Variants in KIF13A observed in about 807,000 individuals in gnomAD.
KIF13A encodes kinesin-like protein KIF13A.
A neutral mutation model predicts 212.2 loss-of-function variants in KIF13A; 79 were observed. The observed-to-expected ratio is 0.37, with a 90% CI of 0.31 to 0.45. The LOEUF (loss-of-function observed/expected upper bound fraction) is 0.45. Among genes scored for constraint, KIF13A ranks in the 20% least tolerant of loss-of-function variants. The pLI, the probability that KIF13A is intolerant of heterozygous loss-of-function variation, is 1.00. For missense variants in KIF13A, 1,901 were observed against 2,209.0 expected (o/e 0.86, Z 2.79); for synonymous variants, 789 against 808.6 (o/e 0.98, Z 0.41).
At chr6:17,801,544 T>C (rs1192868125) in intron 20 of KIF13A, among the ~76,000 whole-genome samples, 1 of 152,040 alleles carries the variant, frequency 6.6e-6, no homozygotes, top group Non-Finnish European at 1.5e-5. Flanking sequence ...GCAACAAAAC[T>C]CACTAATAAC....
intron 16 of KIF13A, among the ~76,000 whole-genome samples, chr6:17,823,669 C>T (rs558778805): frequency 2.4e-4 from 36 of 150,996 alleles, no homozygotes; most frequent in African/African-American, 6.3e-4. Flanking sequence ...GGTTTCACCA[C>T]GTTAGCCAGG....
At chr6:17,966,055 G>A (rs745962621) in intron 2 of KIF13A, among the ~76,000 whole-genome samples, 1 of 152,162 alleles carries the variant, frequency 6.6e-6, no homozygotes, top group East Asian at 1.9e-4. Context: ...TTAGCTGGAT[G>A]TGATGGCGTG....
In KIF13A at chr6:17,888,485, A is replaced by G. The variant is rs1377629932; in HGVS notation, c.159+9683T>C. Among the ~76,000 whole-genome samples the G allele has an allele frequency of 2.0e-5, 3 of 152,222 alleles. No homozygotes were observed. Among genetic ancestry groups the G allele is most frequent in the African/African-American group, 7.2e-5 (3 of 41,456 alleles). On this transcript the variant is annotated intron_variant, in intron 3 of 38. Transcript: ENST00000259711. The surrounding 1 kb of genome is among the most constrained non-coding windows in gnomAD (Gnocchi z 4.8). ...AACAGAGCTGTCCCATAGAAATATA[A>G]TGCTAGCCATATAAATAATTTAAAA...
rs566406810 is a variant in KIF13A, at chr6:17,851,999, G to C, written c.538C>G (p.Pro180Ala). Residue 180 changes from proline (P) to alanine (A), a missense_variant, in exon 7 of 39, where the codon CCA (proline) becomes GCA (alanine). Pro to Ala is a conservative substitution (Grantham distance 27). This residue lies in a region of KIF13A where 506 missense variants were observed against 637.4 expected (regional missense o/e 0.79). Coordinates refer to ENST00000259711, the MANE Select transcript of KIF13A (RefSeq NM_022113.6). Reference sequence around the variant, plus strand: ...AGTTGAGATAAACCATCTACATATGGTCCCAAAACTTTATGTTCTCGAACT... The same window carrying C: ...AGTTGAGATAAACCATCTACATATGCTCCCAAAACTTTATGTTCTCGAACT... ...LKVREHKVLG[P>A]YVDGLSQLAV... The C allele has an allele frequency of 1.3e-6, 2 of 1,556,310 alleles. No homozygotes were observed. Among genetic ancestry groups the C allele is most frequent in the East Asian group, 2.4e-5 (1 of 42,308 alleles).
In KIF13A at chr6:17,982,986, T is replaced by C. The variant is rs892191531; in HGVS notation, c.146+4068A>G. Among the ~76,000 whole-genome samples the C allele has an allele frequency of 2.0e-5, 3 of 151,760 alleles. No homozygotes were observed. Among genetic ancestry groups the C allele is most frequent in the Admixed American group, 1.3e-4 (2 of 15,262 alleles). On this transcript the variant is annotated intron_variant, in intron 2 of 38. Coordinates refer to ENST00000259711, the MANE Select transcript of KIF13A (RefSeq NM_022113.6). The surrounding 1 kb of genome is among the most constrained non-coding windows in gnomAD (Gnocchi z 5.1). The stretch of plus-strand genomic sequence containing the variant: ...GAGTTTGAGACCAGCCTGGCCAACA[T>C]AGTGAAACCCCGTCTCTACTAAAAA...
intron 25 of KIF13A, among the ~76,000 whole-genome samples, chr6:17,790,986 C>T (rs1345151741): frequency 6.6e-6 from 1 of 151,956 alleles, no homozygotes; most frequent in African/African-American, 2.4e-5. Flanking sequence ...ACAAAAGGGT[C>T]TTGGTAGAAA....
At position 17,987,361 on chromosome 6, in the gene KIF13A, C is replaced by T; in HGVS notation, c.55+48G>A. On this transcript the variant is annotated intron_variant, in intron 1 of 38. Transcript: ENST00000259711. This position sits in a 1 kb window ranked among gnomAD's most constrained non-coding sequence, Gnocchi z 7.7. ...CGGCCCCGCAGTTTCTAAAGTTGCC[C>T]CCGCCCTCAGCCCGAGCAGAAATAA... 2.4e-6 allele frequency: 3 copies of T among 1,274,232 alleles called. No individual in the cohort carries two copies. Among genetic ancestry groups the T allele is most frequent in the Non-Finnish European group, 3.1e-6 (3 of 971,182 alleles). 78.9% of individuals were successfully genotyped at this position (1,274,232 alleles called of 1,614,324 possible).
At position 17,780,638 on chromosome 6, in the gene KIF13A, T is replaced by A; in HGVS notation, c.3846+92A>T. ...GGCCAGGATGGTCATGTTTTGCACA[T>A]CACAGCACCAAAAAACACTGCTTTG... On this transcript the variant is annotated intron_variant, in intron 31 of 38. Coordinates refer to ENST00000259711, the MANE Select transcript of KIF13A (RefSeq NM_022113.6). 2.4e-6 allele frequency: 3 copies of A among 1,244,478 alleles called. No individual in the cohort carries two copies. The South Asian group carries it at 4.2e-5, about 17-fold the overall frequency. 77.1% of individuals were successfully genotyped at this position (1,244,478 alleles called of 1,614,324 possible). A position where few individuals can be genotyped will look rare whatever the true frequency, so the allele number is the denominator to read the frequency against.
At chr6:17,975,101 TGAGA>T (rs899645094) in intron 2 of KIF13A, among the ~76,000 whole-genome samples, 14 of 152,230 alleles carry the variant, frequency 9.2e-5, no homozygotes, top group African/African-American at 2.9e-4. Context: ...CCCAGAACTT[TGAGA>T]GAAAGAGGAG....
intron 2 of KIF13A, among the ~76,000 whole-genome samples, chr6:17,977,115 A>C (rs1241428710): frequency 9.5e-4 from 8 of 8,448 alleles, no homozygotes; most frequent in Non-Finnish European, 1.6e-3. Context: ...AAACAACAAC[A>C]AAAAAAAAAA....
Position 17,777,205 on chromosome 6 carries a change from AATCC to A in KIF13A, c.4170+68_4170+71del. 1 of 1,218,746 alleles carries A rather than the reference AATCC, an allele frequency of 8.2e-7. No homozygotes were observed. The highest frequency in any genetic ancestry group is 1.3e-5 in the South Asian group (1 of 78,008). The allele number at this position is 1,218,746 out of a possible 1,614,324, so 75.5% of individuals were successfully genotyped here. On this transcript the variant is annotated intron_variant, in intron 34 of 38. Coordinates refer to ENST00000259711, the MANE Select transcript of KIF13A (RefSeq NM_022113.6). The surrounding 1 kb of genome is among the most constrained non-coding windows in gnomAD (Gnocchi z 4.4). The stretch of plus-strand genomic sequence containing the variant: ...CCATAAGCTCTACTGCCACTGTGTG[AATCC>A]CACCTTCCCCCACCCCAGAGGCTGC...
intron 4 of KIF13A, among the ~76,000 whole-genome samples, chr6:17,859,639 T>TATATATATATATATATA (rs201918014): frequency 1.4e-5 from 1 of 72,838 alleles, no homozygotes; most frequent in African/African-American, 7.7e-5. Context: ...TATATATATA[T>TATATATATATATATATA]TTTTTTTTTT....
chr6:17,840,501 TA>T (rs1766406241), intron 9 of KIF13A, among the ~76,000 whole-genome samples: 1 of 152,200 alleles, frequency 6.6e-6, no homozygotes, highest in African/African-American at 2.4e-5. Flanking sequence ...ACACAAGCTC[TA>T]AAGAGTTCAG....
At chr6:17,841,662 G>T (rs1045378609) in intron 9 of KIF13A, among the ~76,000 whole-genome samples, 1 of 151,948 alleles carries the variant, frequency 6.6e-6, no homozygotes, top group Non-Finnish European at 1.5e-5. Context: ...AGTAGAAGCC[G>T]CCCCTTTTAT....
chr6:17,964,694 T>C (rs1779140529), intron 2 of KIF13A, among the ~76,000 whole-genome samples: 1 of 152,024 alleles, frequency 6.6e-6, no homozygotes, highest in Non-Finnish European at 1.5e-5. Context: ...ACATAGACAA[T>C]TGGACAAAAA....
chr6:17,823,105 C>T (rs1039761023), intron 16 of KIF13A, among the ~76,000 whole-genome samples: 3 of 151,242 alleles, frequency 2.0e-5, no homozygotes, highest in African/African-American at 7.3e-5. Flanking sequence ...GGCACCATCT[C>T]GGATCACTGC....
At chr6:17,765,769 T>C (rs1293536150) in intron 38 of KIF13A, among the ~76,000 whole-genome samples, 1 of 152,160 alleles carries the variant, frequency 6.6e-6, no homozygotes, top group Non-Finnish European at 1.5e-5. Context: ...GTAGAAAAAA[T>C]GTGGGTATTT....
At chr6:17,870,453 GA>G (rs892372425) in intron 4 of KIF13A, among the ~76,000 whole-genome samples, 46 of 144,010 alleles carry the variant, frequency 3.2e-4, no homozygotes, top group African/African-American at 9.1e-4. Context: ...TTTCTGGTTT[GA>G]AAAAAAAAAA....
At position 17,794,872 on chromosome 6, in the gene KIF13A, TTC is replaced by T. The variant is rs1264566525; in HGVS notation, c.2943-170_2943-169del. On this transcript the variant is annotated intron_variant, in intron 23 of 38. Coordinates refer to ENST00000259711, the MANE Select transcript of KIF13A (RefSeq NM_022113.6). The surrounding 1 kb of genome is among the most constrained non-coding windows in gnomAD (Gnocchi z 4.1). ...TCTCAAAACCAACCTGTCATATTGT[TTC>T]TTTTTATTTATTTTACTGAGGTAGA... is the stretch of plus-strand genomic sequence containing the variant. 1.8e-5 allele frequency: 11 copies of T among 620,470 alleles called. No individual in the cohort carries two copies. The East Asian group carries it at 3.2e-4, about 18-fold the overall frequency. The allele number at this position is 620,470 out of a possible 1,614,324, so 38.4% of individuals were successfully genotyped here. A position where few individuals can be genotyped will look rare whatever the true frequency, so the allele number is the denominator to read the frequency against.
Sources: allele counts gnomAD v4.1 joint callset (sites outside exome capture counted in the v4.1 genomes callset), GRCh38; gene constraint gnomAD v4.1.1; regional missense constraint gnomAD v4.1.1; non-coding constraint Gnocchi (gnomAD v3.1); transcripts MANE v1.5; gene names NCBI Gene and HGNC (gene_info 2026-07-23, HGNC 2026-07-21).